Variants in ZNF556 observed in about 807,000 individuals in gnomAD.
ZNF556 encodes the protein zinc finger protein 556.
In ZNF556, 11 loss-of-function variants were observed where a neutral mutation model predicts 13.6. The ratio of observed to expected loss-of-function variants is 0.81; its 90% CI spans 0.51 to 1.33. The LOEUF is 1.33. Ranked by LOEUF, ZNF556 falls within the 40% of genes most tolerant of loss-of-function variation. The probability of loss-of-function intolerance (pLI) is 0.00; values close to 1 mark genes in which losing one functional copy is unlikely to be tolerated. For missense variants in ZNF556, 633 were observed against 566.2 expected (o/e 1.12, Z -1.20); for synonymous variants, 229 against 207.8 (o/e 1.10, Z -0.88).
rs1286056408 is a variant in ZNF556, at chr19:2,880,925, G to C, written c.*2596G>C. 6.9e-6 allele frequency: 1 copy of C among 145,840 alleles called. No individual in the cohort carries two copies. The highest frequency in any genetic ancestry group is 1.5e-5 in the Non-Finnish European group (1 of 67,074). The allele number at this position is 145,840 out of a possible 1,614,324, so 9.0% of individuals were successfully genotyped here. A position where few individuals can be genotyped will look rare whatever the true frequency, so the allele number is the denominator to read the frequency against. ...GCTCTGTTACCCAGGCTGGAGTGCA[G>C]TGCCGTGATCTTGGCTCACTGCAAC... On this transcript the variant is annotated 3_prime_UTR_variant, in exon 4 of 4. Coordinates refer to ENST00000307635, the MANE Select transcript of ZNF556 (RefSeq NM_024967.3).
chr19:2,881,098 C>T lies in ZNF556; in HGVS notation c.*2769C>T, dbSNP rs1255880537. On this transcript the variant is annotated 3_prime_UTR_variant, in exon 4 of 4. Coordinates refer to ENST00000307635, the MANE Select transcript of ZNF556 (RefSeq NM_024967.3). ...GGCCAGGCTGGTCTCGATCTCCTGA[C>T]CTTGTGATCTGCCCACCTCGGCCTC... 1 of 151,904 alleles carries T rather than the reference C, an allele frequency of 6.6e-6. No homozygotes were observed. 9.4% of individuals were successfully genotyped at this position (151,904 alleles called of 1,614,324 possible). A position where few individuals can be genotyped will look rare whatever the true frequency, so the allele number is the denominator to read the frequency against.
At chr19:2,876,920 T>C (rs1054876608) in intron 3 of ZNF556, among the ~76,000 whole-genome samples, 9 of 151,932 alleles carry the variant, frequency 5.9e-5, no homozygotes, top group Admixed American at 2.6e-4. Context: ...TAATATATAT[T>C]AAGAAATAAT....
At position 2,881,460 on chromosome 19, in the gene ZNF556, C is replaced by G. The variant is rs1448606855; in HGVS notation, c.*3131C>G. 1.3e-5 allele frequency: 2 copies of G among 151,968 alleles called. No individual in the cohort carries two copies. The highest frequency in any genetic ancestry group is 1.5e-5 in the Non-Finnish European group (1 of 68,024). The allele number at this position is 151,968 out of a possible 1,614,324, so 9.4% of individuals were successfully genotyped here. On this transcript the variant is annotated 3_prime_UTR_variant, in exon 4 of 4. Coordinates refer to ENST00000307635, the MANE Select transcript of ZNF556 (RefSeq NM_024967.3). ...GGCGTGGTGGCAGGCGCCTGTAATCCCAGCTACTTGGGAGGCTGAGGCAGG... is the reference window on the plus strand; with the variant it reads ...GGCGTGGTGGCAGGCGCCTGTAATCGCAGCTACTTGGGAGGCTGAGGCAGG...
At position 2,877,884 on chromosome 19, in the gene ZNF556, A is replaced by G. The variant is rs760589894; in HGVS notation, c.926A>G (p.His309Arg). Residue 309 changes from histidine to arginine, a missense_variant, in exon 4 of 4, where the codon CAC (histidine) becomes CGC (arginine). By Grantham distance (29) the His-to-Arg change is conservative. Coordinates refer to ENST00000307635, the MANE Select transcript of ZNF556 (RefSeq NM_024967.3). ...TCCTTTCAACGACACGTGAGAATTC[A>G]CAACGGGGAGAAACCCTATAAGTGT... ...ATSFQRHVRIHNGEKPYKCGK... is the reference protein window; with the variant it reads ...ATSFQRHVRIRNGEKPYKCGK... The G allele has an allele frequency of 5.7e-5, 92 of 1,614,120 alleles. No homozygotes were observed. The highest frequency in any genetic ancestry group is 7.7e-5 in the Non-Finnish European group (91 of 1,180,050).
rs568635995 is a variant in ZNF556, at chr19:2,879,103, AG to A, written c.*777del. On this transcript the variant is annotated 3_prime_UTR_variant, in exon 4 of 4. Transcript: ENST00000307635. ...CTTTTATTCCACCTTTCCATTTTAC[AG>A]GGAAAAACTATTTTTAATGTTAATA... is the stretch of plus-strand genomic sequence containing the variant. The A allele has an allele frequency of 3.9e-5, 6 of 152,104 alleles. No individual in the cohort carries two copies. Among genetic ancestry groups the A allele is most frequent in the Non-Finnish European group, 7.4e-5 (5 of 68,014 alleles). The allele number at this position is 152,104 out of a possible 1,614,324, so 9.4% of individuals were successfully genotyped here.
chr19:2,872,912 T>C (rs1369397743), intron 1 of ZNF556, among the ~76,000 whole-genome samples: 2 of 151,988 alleles, frequency 1.3e-5, no homozygotes, highest in Non-Finnish European at 2.9e-5. Context: ...ACAGCTGGAT[T>C]ACTTGAGGTC....
chr19:2,880,030 A>T lies in ZNF556; in HGVS notation c.*1701A>T, dbSNP rs1419001886. 2 of 151,898 alleles carry T rather than the reference A, an allele frequency of 1.3e-5. No homozygotes were observed. Among genetic ancestry groups the T allele is most frequent in the Non-Finnish European group, 2.9e-5 (2 of 68,006 alleles). 9.4% of individuals were successfully genotyped at this position (151,898 alleles called of 1,614,324 possible). A position where few individuals can be genotyped will look rare whatever the true frequency, so the allele number is the denominator to read the frequency against. ...GGGCGAAAGAGCGAGACTCTGTCTC[A>T]AAAATAAATAAATAAAGAATAATTT... On this transcript the variant is annotated 3_prime_UTR_variant, in exon 4 of 4. Transcript: ENST00000307635.
At chr19:2,872,468 G>A (rs199801462) in intron 1 of ZNF556, among the ~76,000 whole-genome samples, 17 of 152,024 alleles carry the variant, frequency 1.1e-4, no homozygotes, top group Admixed American at 6.6e-4. Context: ...GTATGGCCTG[G>A]TTTTTCCTAG....
In ZNF556 at chr19:2,876,092, G is replaced by A. The variant is rs144545156; in HGVS notation, c.131-1G>A. 4.5e-3 allele frequency: 7,120 copies of A among 1,594,826 alleles called. 24 individuals are homozygous for A. The highest frequency in any genetic ancestry group is 5.5e-3 in the Non-Finnish European group (6,457 of 1,174,886). On this transcript the variant is annotated splice_acceptor_variant, in intron 2 of 3. Coordinates refer to ENST00000307635, the MANE Select transcript of ZNF556 (RefSeq NM_024967.3). LOFTEE classifies it high-confidence loss of function. ...CATATTGGTTCACTTTTTTGTTTCA[G>A]ATAATGAGGCTCAGCTTAAAGCCAG...
rs1019850081 is a variant in ZNF556, at chr19:2,880,156, C to T, written c.*1827C>T. ...TTTCATGAGAAAATGAAAGACAATA[C>T]TGGCTTATCAGGTAAACTCTGGAAA... On this transcript the variant is annotated 3_prime_UTR_variant, in exon 4 of 4. Transcript: ENST00000307635. 1 of 152,176 alleles carries T rather than the reference C, an allele frequency of 6.6e-6. No homozygotes were observed. Among genetic ancestry groups the T allele is most frequent in the African/African-American group, 2.4e-5 (1 of 41,438 alleles). The allele number at this position is 152,176 out of a possible 1,614,324, so 9.4% of individuals were successfully genotyped here.
Position 2,880,548 on chromosome 19 carries a change from T to C in ZNF556, c.*2219T>C, listed in dbSNP as rs2087896659. 6.6e-6 allele frequency: 1 copy of C among 152,160 alleles called. No individual in the cohort carries two copies. The highest frequency in any genetic ancestry group is 1.5e-5 in the Non-Finnish European group (1 of 68,068). 9.4% of individuals were successfully genotyped at this position (152,160 alleles called of 1,614,324 possible). On this transcript the variant is annotated 3_prime_UTR_variant, in exon 4 of 4. Coordinates refer to ENST00000307635, the MANE Select transcript of ZNF556 (RefSeq NM_024967.3). ...CTTTGGGGAGGCCAAGGCGGGCAGATCATGAGGTCAAGAGATCGAGACCAT... is the reference window on the plus strand; with the variant it reads ...CTTTGGGGAGGCCAAGGCGGGCAGACCATGAGGTCAAGAGATCGAGACCAT...
At chr19:2,869,560 G>T (rs549648007) in intron 1 of ZNF556, among the ~76,000 whole-genome samples, 1 of 152,000 alleles carries the variant, frequency 6.6e-6, no homozygotes. Context: ...TGGAGACGGG[G>T]TTTCACCTTG....
chr19:2,872,016 T>A (rs149372592), intron 1 of ZNF556, among the ~76,000 whole-genome samples: 2,304 of 152,264 alleles, frequency 0.015, 48 homozygotes, highest in African/African-American at 0.053. Context: ...TTATTTCTGC[T>A]TATCAGAGAC....
chr19:2,876,669 C>T lies in ZNF556; in HGVS notation c.314+393C>T, dbSNP rs567278653. Among the ~76,000 whole-genome samples, 8 of 151,786 alleles carry T rather than the reference C, an allele frequency of 5.3e-5. No individual in the cohort carries two copies. In the East Asian group the frequency reaches 7.8e-4, roughly 15 times the overall value. On this transcript the variant is annotated intron_variant, in intron 3 of 3. Coordinates refer to ENST00000307635, the MANE Select transcript of ZNF556 (RefSeq NM_024967.3). Reference sequence around the variant, plus strand: ...GGCGGAGGTTGCAGCAAGCCAAGATCGTGCCACTGCACTCCAGCCTGGGCT... The same window carrying T: ...GGCGGAGGTTGCAGCAAGCCAAGATTGTGCCACTGCACTCCAGCCTGGGCT...
chr19:2,877,790 A>G lies in ZNF556; in HGVS notation c.832A>G (p.Met278Val). 1 of 1,611,744 alleles carries G rather than the reference A, an allele frequency of 6.2e-7. No homozygotes were observed. ...GTGTCAGAAATCCTTTCGAGTCCAT[A>G]TGATCATGCACGCCGGAGGGAGACC... ...FRCQKSFRVH[M>V]IMHAGGRPYE... Residue 278 changes from methionine to valine, a missense_variant, in exon 4 of 4, where the codon ATG becomes GTG. Coordinates refer to ENST00000307635, the MANE Select transcript of ZNF556 (RefSeq NM_024967.3).
In ZNF556 at chr19:2,877,836, G is replaced by T; in HGVS notation, c.878G>T (p.Gly293Val). 6.2e-7 allele frequency: 1 copy of T among 1,614,212 alleles called. No homozygotes were observed. The highest frequency in any genetic ancestry group is 8.5e-7 in the Non-Finnish European group (1 of 1,180,046). The part of the protein sequence containing the change: ...GGRPYECKQC[G>V]KAYCWATSFQ... Reference sequence around the variant, plus strand: ...AGACCGTATGAGTGCAAGCAGTGTGGGAAAGCCTACTGCTGGGCAACATCC... The same window carrying T: ...AGACCGTATGAGTGCAAGCAGTGTGTGAAAGCCTACTGCTGGGCAACATCC... Residue 293 changes from glycine to valine, a missense_variant, in exon 4 of 4, where the codon GGG becomes GTG. Gly to Val is a moderately radical substitution (Grantham distance 109). Transcript: ENST00000307635.
At chr19:2,874,778 G>GAAAGAA (rs1369578680) in intron 2 of ZNF556, among the ~76,000 whole-genome samples, 1 of 146,018 alleles carries the variant, frequency 6.8e-6, no homozygotes, top group Admixed American at 6.9e-5. Context: ...AAGAAAGAAA[G>GAAAGAA]AAAAAGAAAA....
At chr19:2,874,248 C>T (rs988135896) in intron 2 of ZNF556, among the ~76,000 whole-genome samples, 11 of 151,932 alleles carry the variant, frequency 7.2e-5, no homozygotes, top group African/African-American at 2.4e-4. Flanking sequence ...TAGAGTGAGA[C>T]TCCGTCTCAA....
chr19:2,876,107 C>T lies in ZNF556; in HGVS notation c.145C>T (p.Leu49Phe). The change falls in exon 3 of 4, where the codon CTT becomes TTT. Residue 49 changes from leucine to phenylalanine, a missense_variant. By Grantham distance (22) the Leu-to-Phe change is conservative (BLOSUM62 0). Coordinates refer to ENST00000307635, the MANE Select transcript of ZNF556 (RefSeq NM_024967.3). ...HLASVDNEAQ[L>F]KASGSISQQD... is the part of the protein sequence containing the mutation. ...TTTTGTTTCAGATAATGAGGCTCAGCTTAAAGCCAGTGGGTCTATTTCTCA... is the reference window on the plus strand; with the variant it reads ...TTTTGTTTCAGATAATGAGGCTCAGTTTAAAGCCAGTGGGTCTATTTCTCA... 6.2e-7 allele frequency: 1 copy of T among 1,608,814 alleles called. No homozygotes were observed. The highest frequency in any genetic ancestry group is 1.3e-5 in the African/African-American group (1 of 74,606).
Sources: allele counts gnomAD v4.1 joint callset (sites outside exome capture counted in the v4.1 genomes callset), GRCh38; gene constraint gnomAD v4.1.1; transcripts MANE v1.5; gene names NCBI Gene and HGNC (gene_info 2026-07-23, HGNC 2026-07-21).